SLC38A11: variants seen among roughly 807,000 people sequenced by gnomAD.
The protein encoded by SLC38A11 is solute carrier family 38 member 11.
SLC38A11 carries 51 observed loss-of-function variants against 49.4 expected under a neutral mutation model. That is an observed-to-expected ratio of 1.03 (90% CI 0.83 to 1.30). The LOEUF is 1.30. SLC38A11 is among the 50% of genes most tolerant of loss of function. The pLI is 0.00. For missense variants in SLC38A11, 574 were observed against 556.2 expected (o/e 1.03, Z -0.32); for synonymous variants, 203 against 192.9 (o/e 1.05, Z -0.43).
chr2:164,926,354 A>G (rs1686582629), intron 7 of SLC38A11, among the ~76,000 whole-genome samples: 1 of 152,176 alleles, frequency 6.6e-6, no homozygotes, highest in South Asian at 2.1e-4. Context: ...CACAGCTTTC[A>G]GCTTAGAATC....
chr2:164,945,628 A>G lies in SLC38A11; in HGVS notation c.329T>C (p.Leu110Pro). ...ATACAAAAACTGAAGAACAGAGAGG[A>G]GCAGATACCCTGGAAAGCCGAAAGT... ...NKTFGFPGYL[L>P]LSVLQFLYPF... The change falls in exon 4 of 12, where the codon CTC becomes CCC. Residue 110 changes from leucine (L) to proline (P), a missense_variant. Physicochemically the swap from Leu to Pro is moderately conservative, Grantham distance 98 (BLOSUM62 -3). Transcript: ENST00000685975. The G allele has an allele frequency of 1.2e-6, 2 of 1,610,888 alleles. No individual in the cohort carries two copies. The highest frequency in any genetic ancestry group is 1.7e-6 in the Non-Finnish European group (2 of 1,179,356).
In SLC38A11 at chr2:164,954,722, G is replaced by A. The variant is rs1351925122; in HGVS notation, c.63C>T (p.Thr21=). ...PPQRDLDDRE[T]LVSEHEYKEK... is the part of the protein sequence containing the mutation. ...CTTTATACTCATGTTCAGAAACAAG[G>A]GTTTCTCTGTCATCTAAATCTCTCT... The change falls in exon 2 of 12, where the codon ACC becomes ACT. Residue 21 remains threonine (T), a synonymous_variant. Transcript: ENST00000685975. 1 of 1,526,386 alleles carries A rather than the reference G, an allele frequency of 6.6e-7. No individual in the cohort carries two copies. The allele number at this position is 1,526,386 out of a possible 1,614,324, so 94.6% of individuals were successfully genotyped here. A position where few individuals can be genotyped will look rare whatever the true frequency, so the allele number is the denominator to read the frequency against.
At chr2:164,902,095 A>G (rs1219059173) in intron 11 of SLC38A11, among the ~76,000 whole-genome samples, 2 of 146,296 alleles carry the variant, frequency 1.4e-5, no homozygotes, top group Non-Finnish European at 3.0e-5. Context: ...GTGCACTAGC[A>G]TTATCACAGT....
intron 7 of SLC38A11, among the ~76,000 whole-genome samples, chr2:164,935,564 G>A (rs960049148): frequency 7.3e-5 from 11 of 151,076 alleles, no homozygotes; most frequent in Admixed American, 1.3e-4. Context: ...CATGCCTGCA[G>A]TCCCAGCTAC....
At chr2:164,945,036 T>A (rs183269753) in intron 4 of SLC38A11, among the ~76,000 whole-genome samples, 1 of 152,256 alleles carries the variant, frequency 6.6e-6, no homozygotes, top group Non-Finnish European at 1.5e-5. Context: ...AAAGTAAGAC[T>A]TTTTTGGGAA....
At chr2:164,923,454 C>G (rs1440238672) in intron 7 of SLC38A11, among the ~76,000 whole-genome samples, 1 of 151,976 alleles carries the variant, frequency 6.6e-6, no homozygotes, top group East Asian at 1.9e-4. Flanking sequence ...AAACAAATAG[C>G]CAATGAACAT....
At chr2:164,907,650 T>G (rs775051140) in intron 11 of SLC38A11, among the ~76,000 whole-genome samples, 4 of 152,202 alleles carry the variant, frequency 2.6e-5, no homozygotes, top group Non-Finnish European at 4.4e-5. Flanking sequence ...GCATTCATCC[T>G]TATATTCTAT....
intron 11 of SLC38A11, among the ~76,000 whole-genome samples, chr2:164,907,273 T>C (rs917956513): frequency 3.0e-5 from 4 of 132,300 alleles, no homozygotes; most frequent in Non-Finnish European, 6.4e-5. Flanking sequence ...CTTTTCTCTT[T>C]TTTTTTTTTT....
chr2:164,904,285 C>T (rs766110332), intron 11 of SLC38A11, among the ~76,000 whole-genome samples: 9 of 152,218 alleles, frequency 5.9e-5, no homozygotes, highest in Non-Finnish European at 7.4e-5. Flanking sequence ...AGTGCTAAGA[C>T]GCTGGATTCT....
rs3754959 is a variant in SLC38A11, at chr2:164,908,631, C to T, written c.1095+9G>A. ...TAGAGTGAAGGGGTAAATCTTTGCA[C>T]GTACTCACATTGAGTTCTAGAACTA... On this transcript the variant is annotated intron_variant, in intron 11 of 11. Coordinates refer to ENST00000685975, the MANE Select transcript of SLC38A11 (RefSeq NM_001351537.2). 4.7e-4 allele frequency: 707 copies of T among 1,518,530 alleles called. 7 individuals carry two copies. In the East Asian group the frequency reaches 0.015, roughly 33 times the overall value. The allele number at this position is 1,518,530 out of a possible 1,614,324, so 94.1% of individuals were successfully genotyped here.
intron 7 of SLC38A11, among the ~76,000 whole-genome samples, chr2:164,930,423 C>T (rs184431335): frequency 1.1e-3 from 174 of 152,038 alleles, no homozygotes; most frequent in South Asian, 7.7e-3. Flanking sequence ...CATCCTGATA[C>T]CAAAATCTGG....
Position 164,954,635 on chromosome 2 carries a change from T to C in SLC38A11, c.150A>G (p.Ile50Met). 6.7e-7 allele frequency: 1 copy of C among 1,501,716 alleles called. No individual in the cohort carries two copies. Among genetic ancestry groups the C allele is most frequent in the Non-Finnish European group, 9.0e-7 (1 of 1,115,348 alleles). The allele number at this position is 1,501,716 out of a possible 1,614,324, so 93.0% of individuals were successfully genotyped here. A position where few individuals can be genotyped will look rare whatever the true frequency, so the allele number is the denominator to read the frequency against. ...NVVNSIIGSG[I>M]IGLPYSMKQA... is the part of the protein sequence containing the mutation. ...AACCAAAGCAAATACACTTACCTAT[T>C]ATACCAGATCCTATAATCGAGTTGA... The change falls in exon 2 of 12, where the codon ATA (isoleucine) becomes ATG (methionine). Residue 50 changes from isoleucine (I) to methionine (M), a missense_variant. Transcript: ENST00000685975.
intron 11 of SLC38A11, among the ~76,000 whole-genome samples, chr2:164,900,386 A>G (rs1684576897): frequency 6.6e-6 from 1 of 152,056 alleles, no homozygotes; most frequent in Non-Finnish European, 1.5e-5. Flanking sequence ...TCTGTTTCCC[A>G]TATTGACTAT....
At chr2:164,926,499 A>G (rs1336871788) in intron 7 of SLC38A11, among the ~76,000 whole-genome samples, 1 of 152,174 alleles carries the variant, frequency 6.6e-6, no homozygotes, top group African/African-American at 2.4e-5. Flanking sequence ...TCCCCAGTGA[A>G]ACAATACTAA....
In SLC38A11 at chr2:164,915,282, C is replaced by CAA; in HGVS notation, c.689-11_689-10dup. The CAA allele has an allele frequency of 3.2e-6, 5 of 1,549,498 alleles. No individual in the cohort carries two copies. The highest frequency in any genetic ancestry group is 1.4e-5 in the African/African-American group (1 of 70,950). On this transcript the variant is annotated splice_polypyrimidine_tract_variant and intron_variant, in intron 8 of 11. Coordinates refer to ENST00000685975, the MANE Select transcript of SLC38A11 (RefSeq NM_001351537.2). ...ATGGTGGCAAATAAATGCTGCAATA[C>CAA]AAAAAAAAAGAGCATTATTAAATCA... is the stretch of plus-strand genomic sequence containing the variant.
chr2:164,930,639 A>G (rs1369641214), intron 7 of SLC38A11, among the ~76,000 whole-genome samples: 1 of 152,174 alleles, frequency 6.6e-6, no homozygotes, highest in Non-Finnish European at 1.5e-5. Context: ...GCATAAAAAG[A>G]ACTAAAGACA....
At chr2:164,899,648 C>A (rs1449895922) in intron 11 of SLC38A11, among the ~76,000 whole-genome samples, 1 of 151,896 alleles carries the variant, frequency 6.6e-6, no homozygotes. Flanking sequence ...TTCTCTTAAA[C>A]CATAAAACAT....
chr2:164,935,095 C>G (rs576766880), intron 7 of SLC38A11, among the ~76,000 whole-genome samples: 1 of 152,182 alleles, frequency 6.6e-6, no homozygotes, highest in South Asian at 2.1e-4. Context: ...TCATTAAGCA[C>G]CCGTTACTTT....
intron 5 of SLC38A11, among the ~76,000 whole-genome samples, chr2:164,940,711 G>A (rs1332836093): frequency 6.7e-6 from 1 of 149,664 alleles, no homozygotes; most frequent in Non-Finnish European, 1.5e-5. Flanking sequence ...TAGATTATTA[G>A]TATTTTCTAT....
Sources: allele counts gnomAD v4.1 joint callset (sites outside exome capture counted in the v4.1 genomes callset), GRCh38; gene constraint gnomAD v4.1.1; transcripts MANE v1.5; gene names NCBI Gene and HGNC (gene_info 2026-07-23, HGNC 2026-07-21).